The following MAOB variants were observed in gnomAD, a reference collection of about 807,000 sequenced individuals.
MAOB encodes monoamine oxidase B.
In MAOB, 15 loss-of-function variants were observed where a neutral mutation model predicts 41.9. The observed-to-expected ratio is 0.36, with a 90% confidence interval of 0.24 to 0.55. The LOEUF (loss-of-function observed/expected upper bound fraction) is 0.55, where lower values mean the gene tolerates loss of function less well. Ranked by LOEUF, MAOB falls within the 20% of genes least tolerant of loss-of-function variation. MAOB has a pLI of 0.86. For synonymous variants in MAOB, 167 were observed against 144.2 expected (o/e 1.16, Z -1.13); for missense variants, 345 against 398.7 (o/e 0.87, Z 1.15).
intron 3 of MAOB, among the ~76,000 whole-genome samples, chrX:43,808,714 A>C (rs931920464): frequency 9.2e-6 from 1 of 109,082 alleles, no homozygotes; most frequent in East Asian, 2.8e-4. Context: ...ACACACACAC[A>C]CACACACACA....
chrX:43,872,647 G>A (rs1342071427), intron 1 of MAOB, among the ~76,000 whole-genome samples: 1 of 111,843 alleles, frequency 8.9e-6, no homozygotes, highest in Non-Finnish European at 1.9e-5. Flanking sequence ...AGCAATAGGA[G>A]ATTGATTCAA....
chrX:43,804,097 C>T (rs911938405), intron 3 of MAOB, among the ~76,000 whole-genome samples: 17 of 111,369 alleles, frequency 1.5e-4, no homozygotes, highest in African/African-American at 5.5e-4. Context: ...GTTGATGGCA[C>T]TTAAGAGACA....
intron 3 of MAOB, among the ~76,000 whole-genome samples, chrX:43,823,419 C>T (rs1014274485): frequency 1.8e-5 from 2 of 110,161 alleles, no homozygotes; most frequent in Non-Finnish European, 3.8e-5. Context: ...GTGATCCTCC[C>T]GCCTGGGCCT....
At chrX:43,800,763 A>G (rs962854811) in intron 5 of MAOB, among the ~76,000 whole-genome samples, 3 of 112,089 alleles carry the variant, frequency 2.7e-5, no homozygotes, top group African/African-American at 9.7e-5. Context: ...GTTTTTAAAC[A>G]TTTTAAAAAT....
At chrX:43,776,451 T>A (rs1005285291) in intron 11 of MAOB, among the ~76,000 whole-genome samples, 1 of 111,853 alleles carries the variant, frequency 8.9e-6, no homozygotes, top group African/African-American at 3.2e-5. Context: ...ATCTCACGAG[T>A]TGTTGCAGGA....
intron 7 of MAOB, 59 bp from the exon 8 acceptor site, chrX:43,793,637 A>T: frequency 3.2e-6 from 3 of 938,596 alleles, no homozygotes; most frequent in Non-Finnish European, 4.5e-6. Flanking sequence ...TTTTTTCCCA[A>T]TGATTCTCTC....
Position 43,829,789 on chromosome X carries a change from C to A in MAOB, c.279+9079G>T, listed in dbSNP as rs185767373. 3.6e-5 allele frequency among the ~76,000 whole-genome samples: 4 copies of A among 111,906 alleles called. No homozygotes were observed. The East Asian group carries it at 1.1e-3, about 31-fold the overall frequency. ...GTGAGATTTAGACATATGTTTTGTA[C>A]GGGTTTTATTTTTTAACAAATTTAA... On this transcript the variant is annotated intron_variant, in intron 3 of 14. Transcript: ENST00000378069.
At chrX:43,818,299 T>C (rs748939709) in intron 3 of MAOB, among the ~76,000 whole-genome samples, 7 of 112,665 alleles carry the variant, frequency 6.2e-5, no homozygotes, top group Non-Finnish European at 9.4e-5. Flanking sequence ...TTTCCACTTT[T>C]TGGCTATTAT....
chrX:43,852,835 T>C (rs535027573), intron 1 of MAOB, among the ~76,000 whole-genome samples: 9 of 111,356 alleles, frequency 8.1e-5, no homozygotes, highest in African/African-American at 2.9e-4. Context: ...TGGCTAAAAC[T>C]GGTGGTGGGT....
chrX:43,812,184 T>TTTATGGCTGTATAGTACTTC (rs2034755396), intron 3 of MAOB, among the ~76,000 whole-genome samples: 1 of 112,567 alleles, frequency 8.9e-6, no homozygotes, highest in Admixed American at 9.4e-5. Context: ...TCTCATTCTT[T>TTTATGGCTGTATAGTACTTC]TTATGGCTGT....
At chrX:43,877,777 G>A (rs1433490628) in intron 1 of MAOB, among the ~76,000 whole-genome samples, 2 of 111,779 alleles carry the variant, frequency 1.8e-5, no homozygotes, top group African/African-American at 3.3e-5. Context: ...GTGAGCCTGA[G>A]TTCCTCAGGC....
At chrX:43,843,588 G>C in intron 2 of MAOB, 82 bp downstream of exon 2, 1 of 902,338 alleles carries the variant, frequency 1.1e-6, no homozygotes, top group East Asian at 3.2e-5. Context: ...TGAAATTGAA[G>C]ACTTTTGGGG....
intron 3 of MAOB, among the ~76,000 whole-genome samples, chrX:43,836,087 T>G (rs2147160844): frequency 9.0e-6 from 1 of 111,685 alleles, no homozygotes. Context: ...TTACATGAAC[T>G]GTAGTTTGCC....
intron 1 of MAOB, among the ~76,000 whole-genome samples, chrX:43,877,388 C>T (rs896935633): frequency 9.1e-6 from 1 of 110,384 alleles, no homozygotes; most frequent in African/African-American, 3.3e-5. Flanking sequence ...ACTGGCTCTA[C>T]TCACACAGCC....
At chrX:43,808,252 A>G (rs1295202625) in intron 3 of MAOB, among the ~76,000 whole-genome samples, 2 of 112,400 alleles carry the variant, frequency 1.8e-5, no homozygotes, top group Non-Finnish European at 3.7e-5. Context: ...GAAGAACAGC[A>G]TATTTTTGCT....
chrX:43,787,874 T>C (rs2034419618), intron 8 of MAOB, among the ~76,000 whole-genome samples: 1 of 112,381 alleles, frequency 8.9e-6, no homozygotes, highest in African/African-American at 3.2e-5. Flanking sequence ...AATGATACTT[T>C]GTTAATGATA....
Position 43,767,304 on chromosome X carries a change from G to T in MAOB, c.*162C>A. 2 of 498,384 alleles carry T rather than the reference G, an allele frequency of 4.0e-6. No individual in the cohort carries two copies. Among genetic ancestry groups the T allele is most frequent in the Non-Finnish European group, 6.3e-6 (2 of 315,039 alleles). The allele number at this position is 498,384 out of a possible 1,213,427, so 41.1% of individuals were successfully genotyped here. On this transcript the variant is annotated 3_prime_UTR_variant, in exon 15 of 15. Transcript: ENST00000378069. ...GACACTAAGCAGGGGCCACAACGGA[G>T]AAAGAGATACCATGTATTTTACAGT... is the stretch of plus-strand genomic sequence containing the variant.
At chrX:43,865,669 T>A (rs2035360289) in intron 1 of MAOB, among the ~76,000 whole-genome samples, 1 of 111,508 alleles carries the variant, frequency 9.0e-6, no homozygotes, top group Admixed American at 9.6e-5. Flanking sequence ...TCAGAGGTTT[T>A]CATGAAAAAT....
chrX:43,796,964 G>A lies in MAOB; in HGVS notation c.618+161C>T, dbSNP rs2034535874. ...CACTGGGTTCTCACAGTGGGTACCT[G>A]ACAACAGACTGCCTTACAAGAAACA... On this transcript the variant is annotated intron_variant, in intron 6 of 14. Transcript: ENST00000378069. 5.4e-5 allele frequency among the ~76,000 whole-genome samples: 6 copies of A among 111,909 alleles called. No homozygotes were observed. The South Asian group carries it at 1.9e-3, about 35-fold the overall frequency.
Sources: gnomAD v4.1 joint callset for allele counts (sites outside exome capture counted in the v4.1 genomes callset) on GRCh38, gnomAD v4.1.1 for gene constraint, MANE v1.5 for transcripts, NCBI Gene and HGNC (gene_info 2026-07-23, HGNC 2026-07-21) for gene names.